TBC1D1: variants seen among roughly 807,000 people sequenced by gnomAD.
TBC1D1 encodes TBC1 (tre-2/USP6, BUB2, cdc16) domain family, member 1.
TBC1D1 carries 89 observed loss-of-function variants against 125.6 expected under a neutral mutation model. That is an observed-to-expected ratio of 0.71 (90% CI 0.60 to 0.85). TBC1D1 has a LOEUF of 0.85. TBC1D1 is among the 40% of genes least tolerant of loss of function. The pLI, the probability that TBC1D1 is intolerant of heterozygous loss-of-function variation, is 0.00. For missense variants in TBC1D1, 1,377 were observed against 1,469.2 expected (o/e 0.94, Z 1.03); for synonymous variants, 565 against 564.1 (o/e 1.00, Z -0.02).
intron 15 of TBC1D1, among the ~76,000 whole-genome samples, chr4:38,115,370 G>A (rs1762822804): frequency 6.6e-6 from 1 of 152,148 alleles, no homozygotes; most frequent in African/African-American, 2.4e-5. Context: ...TGAAAGTGCT[G>A]GGATTACAGG....
At chr4:37,938,357 T>G (rs1375904017) in intron 2 of TBC1D1, among the ~76,000 whole-genome samples, 1 of 152,114 alleles carries the variant, frequency 6.6e-6, no homozygotes, top group Admixed American at 6.5e-5. Flanking sequence ...GGGTGTAATA[T>G]TCTTCATTGT....
rs1733355152 is a variant in TBC1D1 at position 37,977,341 on chromosome 4, C to A, written c.418-37168C>A. 9.8e-6 allele frequency: 2 copies of A among 203,198 alleles called. No homozygotes were observed. The highest frequency in any genetic ancestry group is 6.7e-5 in the Admixed American group (1 of 14,822). 12.6% of individuals were successfully genotyped at this position (203,198 alleles called of 1,614,324 possible). ...CGGGCGCGACCTCTCGGGGCAGTGACGAACTGGGTGGAGCCCGCCGCCGCC... is the reference window on the plus strand; with the variant it reads ...CGGGCGCGACCTCTCGGGGCAGTGAAGAACTGGGTGGAGCCCGCCGCCGCC... On this transcript the variant is annotated intron_variant, in intron 2 of 19. Transcript: ENST00000261439. The surrounding 1 kb of genome is among the most constrained non-coding windows in gnomAD (Gnocchi z 4.3).
chr4:37,988,809 A>C (rs1213351463), intron 2 of TBC1D1, among the ~76,000 whole-genome samples: 1 of 152,148 alleles, frequency 6.6e-6, no homozygotes, highest in Non-Finnish European at 1.5e-5. Flanking sequence ...ATTCCAGAGA[A>C]ACCTGAAAAA....
chr4:38,030,973 G>A (rs1746013071), intron 7 of TBC1D1, among the ~76,000 whole-genome samples: 1 of 152,216 alleles, frequency 6.6e-6, no homozygotes, highest in African/African-American at 2.4e-5. Flanking sequence ...CTAATTTTGA[G>A]CACTCTGAGA....
chr4:38,099,623 A>G (rs371176016), intron 14 of TBC1D1, among the ~76,000 whole-genome samples: 1 of 152,188 alleles, frequency 6.6e-6, no homozygotes, highest in East Asian at 1.9e-4. Context: ...TTAAACAGTG[A>G]GTGTATATTA....
intron 13 of TBC1D1, among the ~76,000 whole-genome samples, chr4:38,091,377 T>C (rs902268448): frequency 7.2e-5 from 11 of 152,312 alleles, no homozygotes; most frequent in Admixed American, 7.2e-4. Flanking sequence ...GCTGTTTTCT[T>C]CCAACCCAGT....
In TBC1D1 at chr4:37,995,532, G is replaced by A. The variant is rs1471451427; in HGVS notation, c.418-18977G>A. 3 of 353,806 alleles carry A rather than the reference G, an allele frequency of 8.5e-6. No individual in the cohort carries two copies. The East Asian group carries it at 2.2e-4, about 26-fold the overall frequency. The allele number at this position is 353,806 out of a possible 1,614,324, so 21.9% of individuals were successfully genotyped here. ...GGTTTCTCTTCACCTTTTGGGTTGC[G>A]GTTTTCTCCAGGTTGGTGCTGATGA... On this transcript the variant is annotated intron_variant, in intron 2 of 19. Transcript: ENST00000261439. The surrounding 1 kb of genome is among the most constrained non-coding windows in gnomAD (Gnocchi z 4.3).
intron 2 of TBC1D1, among the ~76,000 whole-genome samples, chr4:37,974,979 C>T (rs1486398245): frequency 1.3e-5 from 2 of 152,104 alleles, no homozygotes; most frequent in African/African-American, 2.4e-5. Context: ...TGGGTTTTTT[C>T]CCCGTGTGCA....
At chr4:38,066,496 T>C (rs544684622) in intron 12 of TBC1D1, among the ~76,000 whole-genome samples, 73 of 152,204 alleles carry the variant, frequency 4.8e-4, no homozygotes, top group African/African-American at 1.8e-3. Flanking sequence ...CACGCCCTGC[T>C]AAATGTTTAC....
intron 2 of TBC1D1, among the ~76,000 whole-genome samples, chr4:38,011,307 C>T (rs908825062): frequency 5.3e-5 from 8 of 149,960 alleles, no homozygotes; most frequent in Admixed American, 2.0e-4. Flanking sequence ...GAGCTGAGAT[C>T]GCCCCATTGC....
intron 13 of TBC1D1, among the ~76,000 whole-genome samples, chr4:38,092,017 A>C (rs980588003): frequency 3.9e-5 from 6 of 152,242 alleles, no homozygotes; most frequent in African/African-American, 1.2e-4. Context: ...TAATGTTGGA[A>C]GTATTAATCC....
intron 7 of TBC1D1, among the ~76,000 whole-genome samples, chr4:38,032,497 T>G (rs1746353369): frequency 6.6e-6 from 1 of 152,142 alleles, no homozygotes; most frequent in African/African-American, 2.4e-5. Flanking sequence ...CTAAGACTTA[T>G]CTCTCTGACT....
chr4:37,947,585 C>G (rs1024422312), intron 2 of TBC1D1, among the ~76,000 whole-genome samples: 1 of 152,244 alleles, frequency 6.6e-6, no homozygotes, highest in Non-Finnish European at 1.5e-5. Context: ...CCCAACCTCC[C>G]CAGGTTACAC....
chr4:38,011,351 C>T lies in TBC1D1; in HGVS notation c.418-3158C>T, dbSNP rs368442331. ...CTGGGCAACAAGAGCGAAACTCCAT[C>T]TCAAAAAAAAAAAAAAAGAAAAAGA... On this transcript the variant is annotated intron_variant, in intron 2 of 19. Coordinates refer to ENST00000261439, the MANE Select transcript of TBC1D1 (RefSeq NM_015173.4). 3.3e-4 allele frequency among the ~76,000 whole-genome samples: 46 copies of T among 139,918 alleles called. No homozygotes were observed. The East Asian group carries it at 9.3e-3, about 28-fold the overall frequency. 91.8% of individuals were successfully genotyped at this position (139,918 alleles called of 152,430 possible). A position where few individuals can be genotyped will look rare whatever the true frequency, so the allele number is the denominator to read the frequency against.
chr4:38,098,064 GA>G (rs1270241143), intron 14 of TBC1D1, among the ~76,000 whole-genome samples: 3 of 152,234 alleles, frequency 2.0e-5, no homozygotes, highest in Admixed American at 6.5e-5. Flanking sequence ...ATGCAGTGGT[GA>G]AGACCGAAGT....
chr4:37,931,998 G>T (rs534996846), intron 2 of TBC1D1, among the ~76,000 whole-genome samples: 1 of 152,242 alleles, frequency 6.6e-6, no homozygotes, highest in South Asian at 2.1e-4. Context: ...GCTTCTTTTG[G>T]TAGGATTTTG....
chr4:38,014,729 G>GACCCCC lies in TBC1D1; in HGVS notation c.638_639insACCCCC (p.Pro214_Asn215insProPro). 1 of 806,354 alleles carries GACCCCC rather than the reference G, an allele frequency of 1.2e-6. No homozygotes were observed. The highest frequency in any genetic ancestry group is 2.0e-6 in the Non-Finnish European group (1 of 497,434). 49.9% of individuals were successfully genotyped at this position (806,354 alleles called of 1,614,324 possible). On this transcript the variant is annotated inframe_insertion, in exon 3 of 20. Coordinates refer to ENST00000261439, the MANE Select transcript of TBC1D1 (RefSeq NM_015173.4). This position sits in a 1 kb window ranked among gnomAD's most constrained non-coding sequence, Gnocchi z 5.1. ...GGCAGCCGGGGGTCCGAGAGCCCCC[G>GACCCCC]CCCCAACCCGCCCCATGCCGCGCCC...
At chr4:37,959,480 C>T (rs1260183224) in intron 2 of TBC1D1, among the ~76,000 whole-genome samples, 1 of 152,148 alleles carries the variant, frequency 6.6e-6, no homozygotes, top group Non-Finnish European at 1.5e-5. Context: ...GTTGGTCTTG[C>T]AGTCTCAGAG....
intron 2 of TBC1D1, among the ~76,000 whole-genome samples, chr4:37,947,301 C>T (rs1726908178): frequency 1.3e-5 from 2 of 152,238 alleles, no homozygotes; most frequent in East Asian, 1.9e-4. Context: ...GGACTACAGG[C>T]GTGCGCCACC....
Sources: allele counts gnomAD v4.1 joint callset (sites outside exome capture counted in the v4.1 genomes callset), GRCh38; gene constraint gnomAD v4.1.1; non-coding constraint Gnocchi (gnomAD v3.1); transcripts MANE v1.5; gene names NCBI Gene and HGNC (gene_info 2026-07-23, HGNC 2026-07-21).